TMEM135: variants seen among roughly 807,000 people sequenced by gnomAD.
TMEM135 encodes transmembrane protein 135, also known as peroxisomal membrane protein 52.
A neutral mutation model predicts 60.3 loss-of-function variants in TMEM135; 30 were observed. The observed-to-expected ratio is 0.50, with a 90% CI of 0.37 to 0.68. TMEM135 has a LOEUF of 0.68. Among genes scored for constraint, TMEM135 ranks in the 30% least tolerant of loss-of-function variants. The pLI is 0.00. For missense variants in TMEM135, 468 were observed against 548.8 expected (o/e 0.85, Z 1.47); for synonymous variants, 190 against 186.7 (o/e 1.02, Z -0.14).
At position 87,326,183 on chromosome 11, in the gene TMEM135, G is replaced by A. The variant is rs548252045; in HGVS notation, c.*4850G>A. ...CATAACATTCTAATCTTGTCAGACCGTGGATAATAGGATGTTCCCTGGTCT... is the reference window on the plus strand; with the variant it reads ...CATAACATTCTAATCTTGTCAGACCATGGATAATAGGATGTTCCCTGGTCT... On this transcript the variant is annotated 3_prime_UTR_variant, in exon 15 of 15. Coordinates refer to ENST00000305494, the MANE Select transcript of TMEM135 (RefSeq NM_022918.4). 2.6e-5 allele frequency: 12 copies of A among 453,444 alleles called. No homozygotes were observed. The highest frequency in any genetic ancestry group is 9.4e-5 in the Admixed American group (4 of 42,492). The allele number at this position is 453,444 out of a possible 1,614,324, so 28.1% of individuals were successfully genotyped here.
chr11:87,080,152 T>C (rs1369625271), intron 3 of TMEM135, among the ~76,000 whole-genome samples: 2 of 148,270 alleles, frequency 1.3e-5, no homozygotes, highest in Non-Finnish European at 3.0e-5. Flanking sequence ...GCTTTCTTCT[T>C]TTGCCTGTTT....
intron 5 of TMEM135, among the ~76,000 whole-genome samples, chr11:87,172,012 A>G (rs560515633): frequency 1.4e-4 from 21 of 152,270 alleles, no homozygotes; most frequent in African/African-American, 5.1e-4. Flanking sequence ...CAAGCCAGGG[A>G]CCAGTACCTG....
At chr11:87,232,108 G>A (rs1940901490) in intron 5 of TMEM135, among the ~76,000 whole-genome samples, 1 of 151,904 alleles carries the variant, frequency 6.6e-6, no homozygotes. Flanking sequence ...GCACCATTAT[G>A]ACTGACTAAT....
intron 1 of TMEM135, among the ~76,000 whole-genome samples, chr11:87,064,180 C>T (rs1856599412): frequency 6.6e-6 from 1 of 151,418 alleles, no homozygotes; most frequent in Non-Finnish European, 1.5e-5. Context: ...TTTAGCCATT[C>T]TAATGTGTGT....
At chr11:87,236,603 T>C in intron 5 of TMEM135, 35 bp from the exon 6 acceptor site, 1 of 1,600,068 alleles carries the variant, frequency 6.2e-7, no homozygotes, top group Non-Finnish European at 8.6e-7. Flanking sequence ...ATGTCAGTGT[T>C]CTTTTGCAAG....
intron 8 of TMEM135, among the ~76,000 whole-genome samples, chr11:87,304,727 C>A (rs967194389): frequency 6.6e-6 from 1 of 152,284 alleles, no homozygotes; most frequent in East Asian, 1.9e-4. Flanking sequence ...AGTGCAGAGC[C>A]AGAACATTGC....
intron 6 of TMEM135, among the ~76,000 whole-genome samples, chr11:87,247,268 G>A (rs1310717352): frequency 2.0e-5 from 3 of 152,212 alleles, no homozygotes; most frequent in Non-Finnish European, 4.4e-5. Context: ...CCCTACTGGG[G>A]GATGTTTCCC....
At chr11:87,222,038 G>A (rs952414989) in intron 5 of TMEM135, among the ~76,000 whole-genome samples, 4 of 151,582 alleles carry the variant, frequency 2.6e-5, no homozygotes, top group Non-Finnish European at 1.5e-5. Flanking sequence ...AAAAAAATTA[G>A]CCAGGCGGTG....
At chr11:87,062,674 A>G (rs1949962030) in intron 1 of TMEM135, among the ~76,000 whole-genome samples, 1 of 151,648 alleles carries the variant, frequency 6.6e-6, no homozygotes, top group Admixed American at 6.6e-5. Flanking sequence ...CATCTTGGCC[A>G]GGCTGGTCTT....
intron 5 of TMEM135, chr11:87,178,549 C>G (rs1263807504): frequency 4.4e-6 from 2 of 455,838 alleles, no homozygotes; most frequent in Non-Finnish European, 8.8e-6. Context: ...CCTGAGTCTC[C>G]TGAGTAGCTG....
chr11:87,309,118 G>A (rs923011743), intron 9 of TMEM135, among the ~76,000 whole-genome samples: 1 of 152,138 alleles, frequency 6.6e-6, no homozygotes, highest in Admixed American at 6.6e-5. Context: ...ATTTTCAAGA[G>A]CATTTGGTTT....
chr11:87,211,925 C>T (rs937914501), intron 5 of TMEM135, among the ~76,000 whole-genome samples: 1 of 151,070 alleles, frequency 6.6e-6, no homozygotes. Flanking sequence ...GCCTGGGTGA[C>T]AGAGGGAGAC....
chr11:87,160,950 G>A (rs1029710733), intron 5 of TMEM135, among the ~76,000 whole-genome samples: 15 of 152,064 alleles, frequency 9.9e-5, no homozygotes, highest in African/African-American at 3.4e-4. Context: ...CCCAGACTGG[G>A]GTGCAGTGGT....
chr11:87,244,760 G>T (rs1402231553), intron 6 of TMEM135, among the ~76,000 whole-genome samples: 2 of 147,350 alleles, frequency 1.4e-5, no homozygotes, highest in African/African-American at 5.1e-5. Flanking sequence ...TATTAGTCTT[G>T]CTAGCGGTCT....
At chr11:87,115,572 A>G (rs1486623052) in intron 4 of TMEM135, among the ~76,000 whole-genome samples, 3 of 152,108 alleles carry the variant, frequency 2.0e-5, no homozygotes, top group African/African-American at 7.2e-5. Flanking sequence ...AAATTGTGCA[A>G]TTTAATGGTT....
intron 4 of TMEM135, among the ~76,000 whole-genome samples, chr11:87,139,927 T>C (rs1441943414): frequency 6.6e-6 from 1 of 152,200 alleles, no homozygotes; most frequent in Non-Finnish European, 1.5e-5. Flanking sequence ...TCTGTTGAAA[T>C]CTTTTGATCA....
At chr11:87,240,229 G>C (rs1185914215) in intron 6 of TMEM135, among the ~76,000 whole-genome samples, 1 of 151,990 alleles carries the variant, frequency 6.6e-6, no homozygotes, top group Non-Finnish European at 1.5e-5. Context: ...TATATCCTGA[G>C]GATGTTTTGA....
intron 1 of TMEM135, among the ~76,000 whole-genome samples, chr11:87,053,597 C>G (rs1041273159): frequency 1.1e-4 from 17 of 151,124 alleles, no homozygotes; most frequent in Admixed American, 1.1e-3. Flanking sequence ...CAATTTCTTA[C>G]ATTACAGTTA....
chr11:87,259,232 G>T, intron 6 of TMEM135: 1 of 475,996 alleles, frequency 2.1e-6, no homozygotes. Context: ...ATTCCTCCGG[G>T]GATAGGGGTT....
Sources: gnomAD v4.1 joint callset for allele counts (sites outside exome capture counted in the v4.1 genomes callset) on GRCh38, gnomAD v4.1.1 for gene constraint, MANE v1.5 for transcripts, NCBI Gene and HGNC (gene_info 2026-07-23, HGNC 2026-07-21) for gene names.